The following DENND4A variants were observed in gnomAD, a reference collection of about 807,000 sequenced individuals.
DENND4A encodes C-myc promoter-binding protein.
A neutral mutation model predicts 199.3 loss-of-function variants in DENND4A; 70 were observed. The ratio of observed to expected loss-of-function variants is 0.35; its 90% CI spans 0.29 to 0.43. DENND4A has a LOEUF of 0.43. Ranked by LOEUF, DENND4A falls within the 20% of genes least tolerant of loss-of-function variation. DENND4A has a pLI of 1.00. For synonymous variants in DENND4A, 686 were observed against 766.9 expected, an observed-to-expected ratio of 0.89 and a Z score of 1.74; for missense variants, 1,723 against 2,255.8, an observed-to-expected ratio of 0.76 and a Z score of 4.78.
At chr15:65,764,623 T>G (rs2076933826) in intron 1 of DENND4A, among the ~76,000 whole-genome samples, 1 of 151,762 alleles carries the variant, frequency 6.6e-6, no homozygotes, top group African/African-American at 2.4e-5. Flanking sequence ...ACAGCAAGAC[T>G]CTGTCTCAAA....
At chr15:65,713,194 G>A (rs1304327585) in intron 14 of DENND4A, among the ~76,000 whole-genome samples, 1 of 152,138 alleles carries the variant, frequency 6.6e-6, no homozygotes, top group Non-Finnish European at 1.5e-5. Context: ...ACTGCATTTG[G>A]TTGTCAAGTC....
At chr15:65,722,256 G>A (rs2075669776) in intron 12 of DENND4A, among the ~76,000 whole-genome samples, 1 of 152,168 alleles carries the variant, frequency 6.6e-6, no homozygotes, top group Non-Finnish European at 1.5e-5. Context: ...GTCGAAGAGG[G>A]AGAACTGCTT....
intron 7 of DENND4A, among the ~76,000 whole-genome samples, chr15:65,735,752 G>A (rs1286214317): frequency 6.6e-6 from 1 of 152,156 alleles, no homozygotes; most frequent in Non-Finnish European, 1.5e-5. Flanking sequence ...TGAGTTGTGA[G>A]TGAACTTGCT....
intron 4 of DENND4A, among the ~76,000 whole-genome samples, chr15:65,742,869 C>A (rs1008327607): frequency 2.0e-5 from 3 of 152,164 alleles, no homozygotes; most frequent in East Asian, 3.9e-4. Flanking sequence ...GAGGCTCACA[C>A]ATAGTAGTTA....
intron 23 of DENND4A, among the ~76,000 whole-genome samples, chr15:65,678,368 C>T (rs561247519): frequency 1.6e-4 from 25 of 152,186 alleles, no homozygotes; most frequent in African/African-American, 5.3e-4. Flanking sequence ...AATTAGACTA[C>T]CCTGACTAAT....
intron 5 of DENND4A, among the ~76,000 whole-genome samples, chr15:65,740,427 C>T (rs1406627871): frequency 1.4e-5 from 2 of 145,256 alleles, no homozygotes; most frequent in African/African-American, 5.1e-5. Context: ...CTGGGCAATA[C>T]AGCAAGACTC....
chr15:65,702,982 T>C lies in DENND4A; in HGVS notation c.2114A>G (p.Asn705Ser). ...TCCTTCAGGTCTTTCAAATAAATTGTTCCTAAGAACTGGAAATCCATTATA... is the reference window on the plus strand; with the variant it reads ...TCCTTCAGGTCTTTCAAATAAATTGCTCCTAAGAACTGGAAATCCATTATA... ...YSYNGFPVLR[N>S]NLFERPEGFL... The change falls in exon 16 of 33, where the codon AAC (asparagine) becomes AGC (serine). Residue 705 changes from asparagine (N) to serine (S), a missense_variant. Around this residue, in one of 6 missense-constraint regions of DENND4A, gnomAD observed 725 missense variants for 952.9 expected, o/e 0.76. Coordinates refer to ENST00000443035, the MANE Select transcript of DENND4A (RefSeq NM_001320835.1). 6.2e-7 allele frequency: 1 copy of C among 1,612,728 alleles called. No individual in the cohort carries two copies. The highest frequency in any genetic ancestry group is 8.5e-7 in the Non-Finnish European group (1 of 1,179,452).
At position 65,702,428 on chromosome 15, in the gene DENND4A, A is replaced by G. The variant is rs745674372; in HGVS notation, c.2307T>C (p.Tyr769=). The G allele has an allele frequency of 2.0e-5, 32 of 1,589,986 alleles. No individual in the cohort carries two copies. The highest frequency in any genetic ancestry group is 1.6e-4 in the Middle Eastern group (1 of 6,068). Residue 769 remains tyrosine (Y), a synonymous_variant, in exon 17 of 33, where the codon TAT becomes TAC. Transcript: ENST00000443035. ...CTGGGAGACAAATAAACCACAGTCC[A>G]TAACAGTGGCGCAGTAGACACCTAG... The part of the protein sequence containing the change: ...MWSRCLLRHC[Y]GLWFICLPAY...
At chr15:65,714,396 G>C (rs890414496) in intron 14 of DENND4A, among the ~76,000 whole-genome samples, 2 of 146,718 alleles carry the variant, frequency 1.4e-5, no homozygotes, top group African/African-American at 5.1e-5. Context: ...CTGGGTGACA[G>C]AGCGAGACTC....
chr15:65,683,272 G>A (rs1474293208), intron 23 of DENND4A, among the ~76,000 whole-genome samples: 1 of 152,092 alleles, frequency 6.6e-6, no homozygotes, highest in African/African-American at 2.4e-5. Flanking sequence ...TAGTGATTGT[G>A]TTCTCTTTTT....
At chr15:65,785,794 A>G (rs1357088129) in intron 1 of DENND4A, among the ~76,000 whole-genome samples, 4 of 152,142 alleles carry the variant, frequency 2.6e-5, no homozygotes, top group African/African-American at 9.7e-5. Flanking sequence ...CTCACTATCA[A>G]CAATATATAC....
Position 65,664,731 on chromosome 15 carries a change from G to A in DENND4A, c.5360-9C>T, listed in dbSNP as rs1314335746. The stretch of plus-strand genomic sequence containing the variant: ...CATTGGATATTTTTGGGCTGTAAAC[G>A]AACAAAAGAACAGATGAAGGAAAAT... On this transcript the variant is annotated splice_polypyrimidine_tract_variant and intron_variant, in intron 30 of 32. Coordinates refer to ENST00000443035, the MANE Select transcript of DENND4A (RefSeq NM_001320835.1). The A allele has an allele frequency of 5.6e-6, 9 of 1,601,416 alleles. No individual in the cohort carries two copies. Among genetic ancestry groups the A allele is most frequent in the Non-Finnish European group, 7.7e-6 (9 of 1,174,276 alleles).
At chr15:65,746,896 G>A (rs2076415231) in intron 4 of DENND4A, among the ~76,000 whole-genome samples, 2 of 149,100 alleles carry the variant, frequency 1.3e-5, no homozygotes, top group Non-Finnish European at 1.5e-5. Context: ...GTAAAACCCT[G>A]TTCTCTACTA....
chr15:65,751,592 G>C (rs2076564081), intron 4 of DENND4A, among the ~76,000 whole-genome samples: 1 of 152,148 alleles, frequency 6.6e-6, no homozygotes, highest in Admixed American at 6.5e-5. Flanking sequence ...CATTGTGTAG[G>C]GATGGGGAGA....
intron 32 of DENND4A, among the ~76,000 whole-genome samples, chr15:65,662,885 G>A (rs1354482024): frequency 6.6e-6 from 1 of 152,100 alleles, no homozygotes; most frequent in East Asian, 1.9e-4. Context: ...TGGAGGTCCG[G>A]AATTTTTTAG....
intron 5 of DENND4A, among the ~76,000 whole-genome samples, chr15:65,740,944 C>T (rs1199741289): frequency 1.3e-5 from 2 of 151,684 alleles, no homozygotes; most frequent in African/African-American, 2.4e-5. Flanking sequence ...CCTGAGCAAC[C>T]GAATGAGACC....
chr15:65,663,202 T>TA (rs1263587270), intron 32 of DENND4A, among the ~76,000 whole-genome samples: 2 of 144,748 alleles, frequency 1.4e-5, no homozygotes, highest in East Asian at 2.0e-4. Flanking sequence ...ATATATATTT[T>TA]TTTTTTTTTA....
chr15:65,706,575 C>G (rs1278907952), intron 14 of DENND4A, among the ~76,000 whole-genome samples: 1 of 151,930 alleles, frequency 6.6e-6, no homozygotes, highest in Non-Finnish European at 1.5e-5. Context: ...CAGCTCACTG[C>G]AACCTCTGCC....
chr15:65,735,002 G>A (rs1442282576), intron 7 of DENND4A, among the ~76,000 whole-genome samples: 1 of 152,090 alleles, frequency 6.6e-6, no homozygotes, highest in South Asian at 2.1e-4. Context: ...AGGATGGCTT[G>A]AGCCCAGGAG....
Sources: gnomAD v4.1 joint callset for allele counts (sites outside exome capture counted in the v4.1 genomes callset) on GRCh38, gnomAD v4.1.1 for gene constraint, gnomAD v4.1.1 regional missense constraint, MANE v1.5 for transcripts, NCBI Gene and HGNC (gene_info 2026-07-23, HGNC 2026-07-21) for gene names.